HUWE1: variants seen among roughly 807,000 people sequenced by gnomAD.
The protein encoded by HUWE1 is E3 ubiquitin-protein ligase HUWE1.
In HUWE1, 18 loss-of-function variants were observed where a neutral mutation model predicts 299.4. The ratio of observed to expected loss-of-function variants is 0.06; its 90% confidence interval spans 0.04 to 0.09. The LOEUF (loss-of-function observed/expected upper bound fraction) is 0.09, where lower values mean the gene tolerates loss of function less well. HUWE1 is among the 10% of genes least tolerant of loss of function. HUWE1 has a pLI of 1.00. For synonymous variants in HUWE1, 1,317 were observed against 1,286.1 expected, an observed-to-expected ratio of 1.02 and a Z score of -0.51; for missense variants, 1,832 against 3,462.3, an observed-to-expected ratio of 0.53 and a Z score of 11.82.
intron 2 of HUWE1, chrX:53,684,249 A>C: frequency 1.2e-5 from 2 of 172,250 alleles, no homozygotes; most frequent in Non-Finnish European, 2.2e-5. Flanking sequence ...GACCTTCTTA[A>C]TTCACCGCAG....
In HUWE1 at chrX:53,543,938, A is replaced by C. The variant is rs2061449503; in HGVS notation, c.11282T>G (p.Ile3761Ser). The C allele has an allele frequency of 8.3e-7, 1 of 1,206,904 alleles. No individual in the cohort carries two copies. The highest frequency in any genetic ancestry group is 1.1e-6 in the Non-Finnish European group (1 of 893,430). Residue 3761 changes from isoleucine (I) to serine (S), a missense_variant, in exon 73 of 84, where the codon ATC becomes AGC. Transcript: ENST00000262854. ...GSSGLGSASSIQAAVRQLEAE... is the reference protein window; with the variant it reads ...GSSGLGSASSSQAAVRQLEAE... ...CTCCAGCTGCCGAACAGCTGCCTGGATGCTGCTAGCTGAGCCTAAACCGGA... is the reference window on the plus strand; with the variant it reads ...CTCCAGCTGCCGAACAGCTGCCTGGCTGCTGCTAGCTGAGCCTAAACCGGA...
chrX:53,539,320 T>TAAAA (rs34154526), intron 75 of HUWE1, among the ~76,000 whole-genome samples: 2 of 52,841 alleles, frequency 3.8e-5, no homozygotes, highest in Non-Finnish European at 6.8e-5. Context: ...ATTTCTGATT[T>TAAAA]AAAAAAAAAA....
At chrX:53,641,760 ATAAT>A (rs1351088861) in intron 7 of HUWE1, among the ~76,000 whole-genome samples, 2 of 112,126 alleles carry the variant, frequency 1.8e-5, no homozygotes, top group African/African-American at 6.5e-5. Context: ...GATTTTTAAA[ATAAT>A]TAAACTACCA....
chrX:53,674,178 T>A (rs1471030434), intron 3 of HUWE1, among the ~76,000 whole-genome samples: 3 of 111,861 alleles, frequency 2.7e-5, no homozygotes, highest in Non-Finnish European at 5.6e-5. Flanking sequence ...ACGTTTTTAG[T>A]TTCCTATTCT....
intron 61 of HUWE1, among the ~76,000 whole-genome samples, chrX:53,553,538 A>G (rs1459313687): frequency 9.4e-6 from 1 of 106,025 alleles, no homozygotes; most frequent in Non-Finnish European, 1.9e-5. Context: ...GGTAGGGCGC[A>G]GTGGCTCATG....
chrX:53,536,925 G>C (rs2061089041), intron 78 of HUWE1, among the ~76,000 whole-genome samples: 1 of 112,304 alleles, frequency 8.9e-6, no homozygotes, highest in South Asian at 3.7e-4. Flanking sequence ...AGGTATCAGA[G>C]AAATAAATGA....
chrX:53,572,880 C>T (rs1338606789), intron 47 of HUWE1, among the ~76,000 whole-genome samples: 2 of 110,993 alleles, frequency 1.8e-5, no homozygotes, highest in Non-Finnish European at 3.8e-5. Flanking sequence ...TCTCAAAACT[C>T]CTCATTTTCT....
chrX:53,664,228 T>C (rs1772491411), intron 3 of HUWE1, among the ~76,000 whole-genome samples: 1 of 111,181 alleles, frequency 9.0e-6, no homozygotes, highest in South Asian at 3.8e-4. Context: ...TTTTTATATT[T>C]CTTGTACAGA....
In HUWE1 at chrX:53,554,777, G is replaced by A; in HGVS notation, c.8350C>T (p.Pro2784Ser). ...LPTPPALGEV[P>S]QELQSPAGEG... ...CCAGCTGGAGACTGCAGCTCCTGAG[G>A]AACCTCTCCCAAAGCTGGTGGGGTT... is the stretch of plus-strand genomic sequence containing the variant. Residue 2784 changes from proline to serine, a missense_variant, in exon 61 of 84, where the codon CCT (proline) becomes TCT (serine). This residue lies in a region of HUWE1 where 143 missense variants were observed against 148.1 expected (regional missense o/e 0.97). Transcript: ENST00000262854. 1 of 1,211,530 alleles carries A rather than the reference G, an allele frequency of 8.3e-7. No homozygotes were observed. The highest frequency in any genetic ancestry group is 1.1e-6 in the Non-Finnish European group (1 of 895,434).
rs782196377 is a variant in HUWE1 at position 53,648,517 on chromosome X, TG to T, written c.46-208del. On this transcript the variant is annotated intron_variant, in intron 4 of 83. Transcript: ENST00000262854. Reference sequence around the variant, plus strand: ...GCTTTTATTCCCCCAACAATCCACCTGGGCTTAAAAAACAAAAAAAAACAAA... The same window carrying T: ...GCTTTTATTCCCCCAACAATCCACCTGGCTTAAAAAACAAAAAAAAACAAA... 1.0e-4 allele frequency among the ~76,000 whole-genome samples: 10 copies of T among 100,084 alleles called. No individual in the cohort carries two copies. The East Asian group carries it at 2.9e-3, about 29-fold the overall frequency. 86.9% of individuals were successfully genotyped at this position (100,084 alleles called of 115,157 possible).
At chrX:53,672,917 C>T (rs2069629518) in intron 3 of HUWE1, among the ~76,000 whole-genome samples, 3 of 111,534 alleles carry the variant, frequency 2.7e-5, no homozygotes, top group African/African-American at 9.8e-5. Flanking sequence ...TTGGGGTTTG[C>T]GGAAATTTGT....
At position 53,559,234 on chromosome X, in the gene HUWE1, G is replaced by A. The variant is rs1437529511; in HGVS notation, c.7915+120C>T. The A allele has an allele frequency of 3.5e-6, 3 of 854,036 alleles. No homozygotes were observed. In the East Asian group the frequency reaches 9.4e-5, roughly 27 times the overall value. The allele number at this position is 854,036 out of a possible 1,213,427, so 70.4% of individuals were successfully genotyped here. A position where few individuals can be genotyped will look rare whatever the true frequency, so the allele number is the denominator to read the frequency against. On this transcript the variant is annotated intron_variant, in intron 57 of 83. Coordinates refer to ENST00000262854, the MANE Select transcript of HUWE1 (RefSeq NM_031407.7). Reference sequence around the variant, plus strand: ...TTGTTGCCCATGGCTAAGTCACTGAGTGGTTCTGGCTCCTATAAAATGGGG... The same window carrying A: ...TTGTTGCCCATGGCTAAGTCACTGAATGGTTCTGGCTCCTATAAAATGGGG...
chrX:53,587,014 T>C, intron 37 of HUWE1, 105 bp from the exon 38 acceptor site: 3 of 920,570 alleles, frequency 3.3e-6, no homozygotes, highest in Non-Finnish European at 4.7e-6. Context: ...TAAATAATAA[T>C]AGAATTGGTT....
chrX:53,625,396 G>A (rs1280670251), intron 17 of HUWE1, 138 bp from the exon 18 acceptor site: 1 of 456,918 alleles, frequency 2.2e-6, no homozygotes, highest in African/African-American at 2.4e-5. Context: ...GTCTCTGAAT[G>A]TTAGGAAGAA....
intron 59 of HUWE1, 112 bp downstream of exon 59, chrX:53,558,543 T>C: frequency 1.3e-6 from 1 of 789,556 alleles, no homozygotes; most frequent in East Asian, 3.2e-5. Flanking sequence ...ATTTCCCAGG[T>C]TCAACGTGAA....
At position 53,614,697 on chromosome X, in the gene HUWE1, G is replaced by T; in HGVS notation, c.2098C>A (p.Gln700Lys). 1 of 1,208,488 alleles carries T rather than the reference G, an allele frequency of 8.3e-7. No individual in the cohort carries two copies. The highest frequency in any genetic ancestry group is 1.1e-6 in the Non-Finnish European group (1 of 892,722). Residue 700 changes from glutamine (Q) to lysine (K), a missense_variant, in exon 23 of 84, where the codon CAG (glutamine) becomes AAG (lysine). Coordinates refer to ENST00000262854, the MANE Select transcript of HUWE1 (RefSeq NM_031407.7). ...NLGRDPKYIC[Q>K]KPSIQKADGT... Reference sequence around the variant, plus strand: ...TCTGCCTTCTGGATTGATGGCTTCTGACAGATGTATTTGGGGTCCCTTCCA... The same window carrying T: ...TCTGCCTTCTGGATTGATGGCTTCTTACAGATGTATTTGGGGTCCCTTCCA...
Position 53,573,909 on chromosome X carries a change from G to C in HUWE1, c.6153C>G (p.Ala2051=). Residue 2051 remains alanine (A), a synonymous_variant, in exon 47 of 84, where the codon GCC becomes GCG. Coordinates refer to ENST00000262854, the MANE Select transcript of HUWE1 (RefSeq NM_031407.7). The part of the protein sequence containing the change: ...DGKKDKEGDR[A]SEEGKQKGKG... ...TGCCTTTCTGTTTGCCTTCCTCAGA[G>C]GCCCGGTCCCCTTCTTTATCTTTCT... The C allele has an allele frequency of 8.3e-7, 1 of 1,211,360 alleles. No individual in the cohort carries two copies. Among genetic ancestry groups the C allele is most frequent in the African/African-American group, 1.7e-5 (1 of 57,721 alleles).
At chrX:53,667,375 C>G (rs2069298803) in intron 3 of HUWE1, among the ~76,000 whole-genome samples, 1 of 112,107 alleles carries the variant, frequency 8.9e-6, no homozygotes, top group Non-Finnish European at 1.9e-5. Flanking sequence ...CTGGAAATAT[C>G]TAAGTCAAAA....
intron 31 of HUWE1, 43 bp downstream of exon 31, chrX:53,594,456 A>G (rs782090206): frequency 8.3e-7 from 1 of 1,199,258 alleles, no homozygotes; most frequent in Non-Finnish European, 1.1e-6. Context: ...AGCAAAGATC[A>G]AACTCCAAGA....
Sources: allele counts gnomAD v4.1 joint callset (sites outside exome capture counted in the v4.1 genomes callset), GRCh38; gene constraint gnomAD v4.1.1; regional missense constraint gnomAD v4.1.1; transcripts MANE v1.5; gene names NCBI Gene and HGNC (gene_info 2026-07-23, HGNC 2026-07-21).